The following COL4A3 variants were observed in gnomAD, a reference collection of about 807,000 sequenced individuals.
The protein encoded by COL4A3 is collagen alpha-3(IV) chain.
A neutral mutation model predicts 217.4 loss-of-function variants in COL4A3; 135 were observed. That is an observed-to-expected ratio of 0.62 (90% CI 0.54 to 0.72). The LOEUF (loss-of-function observed/expected upper bound fraction) is 0.72. COL4A3 is among the 30% of genes least tolerant of loss of function. The pLI is 0.00. For synonymous variants in COL4A3, 690 were observed against 736.3 expected (o/e 0.94, Z 1.02); for missense variants, 1,868 against 2,119.9 (o/e 0.88, Z 2.33).
rs757387115 is a variant in COL4A3, at chr2:227,290,828, G to C, written c.3152G>C (p.Gly1051Ala). 6.2e-7 allele frequency: 1 copy of C among 1,613,770 alleles called. No homozygotes were observed. The highest frequency in any genetic ancestry group is 8.5e-7 in the Non-Finnish European group (1 of 1,179,964). ...PGLPGIHGLQ[G>A]DKGEPGYSEG... is the part of the protein sequence containing the mutation. The stretch of plus-strand genomic sequence containing the variant: ...CTCCCAGGTATTCATGGTCTCCAGG[G>C]AGATAAGGGAGAGCCAGGTTATTCA... Residue 1051 changes from glycine to alanine, a missense_variant, in exon 37 of 52, where the codon GGA (glycine) becomes GCA (alanine). Transcript: ENST00000396578.
rs973769150 is a variant in COL4A3 at position 227,290,886 on chromosome 2, G to A, written c.3210G>A (p.Thr1070=). ...EGTRPGPPGP[T]GDPGLPGDMG... ...CAAGGCCAGGACCACCGGGACCAAC[G>A]GTATATAGGCCACTGAAATATTTAC... The change falls in exon 37 of 52, where the codon ACG becomes ACA. Residue 1070 remains threonine (T), a splice_region_variant and synonymous_variant. Transcript: ENST00000396578. 1 of 1,610,910 alleles carries A rather than the reference G, an allele frequency of 6.2e-7. No homozygotes were observed. Among genetic ancestry groups the A allele is most frequent in the South Asian group, 1.1e-5 (1 of 90,406 alleles).
At chr2:227,218,073 T>C (rs2067596313) in intron 1 of COL4A3, among the ~76,000 whole-genome samples, 1 of 49,930 alleles carries the variant, frequency 2.0e-5, no homozygotes, top group South Asian at 1.2e-3. Context: ...AATAACTATA[T>C]ATATAGCTAT....
chr2:227,169,370 T>C (rs1219760391), intron 1 of COL4A3: 12 of 151,164 alleles, frequency 7.9e-5, no homozygotes, highest in Middle Eastern at 3.4e-3. Flanking sequence ...TGTGTCTTTA[T>C]AGCAGCATGA....
chr2:227,182,304 T>C (rs78309299), intron 1 of COL4A3, among the ~76,000 whole-genome samples: 3,038 of 152,304 alleles, frequency 0.02, 114 homozygotes, highest in African/African-American at 0.069. Flanking sequence ...ACGACAGCTA[T>C]GAATCTGGAA....
intron 34 of COL4A3, among the ~76,000 whole-genome samples, chr2:227,288,596 G>C (rs1343237241): frequency 1.3e-5 from 2 of 152,140 alleles, no homozygotes; most frequent in African/African-American, 4.8e-5. Flanking sequence ...TACATGGATT[G>C]AGAATAGAAT....
chr2:227,172,578 CTTCTT>C (rs2065524812), intron 1 of COL4A3, among the ~76,000 whole-genome samples: 2 of 116,788 alleles, frequency 1.7e-5, no homozygotes, highest in East Asian at 5.0e-4. Flanking sequence ...TCTTCGTCTT[CTTCTT>C]TTTTTTTTTT....
At position 227,277,501 on chromosome 2, in the gene COL4A3, T is replaced by C. The variant is rs774533572; in HGVS notation, c.2073T>C (p.Asp691=). ...GAGATCCTGGTCTTCCAGGGCCTGA[T>C]GGTGAACCAGGAATTCCAGGAATTG... ...KCGDPGLPGP[D]GEPGIPGIGF... Residue 691 remains aspartate (D), a synonymous_variant, in exon 28 of 52, where the codon GAT becomes GAC. Transcript: ENST00000396578. 5 of 1,613,128 alleles carry C rather than the reference T, an allele frequency of 3.1e-6. No homozygotes were observed. The highest frequency in any genetic ancestry group is 2.2e-5 in the South Asian group (2 of 90,490).
At position 227,164,892 on chromosome 2, in the gene COL4A3, C is replaced by G; in HGVS notation, c.87+79C>G. On this transcript the variant is annotated intron_variant, in intron 1 of 51. Transcript: ENST00000396578. This position sits in a 1 kb window ranked among gnomAD's most constrained non-coding sequence, Gnocchi z 4.8. ...GTCCGGGGGACGCGCTGGCCCCACC[C>G]GCAGCGGCGCGGTAGTGGAGCGGCT... The G allele has an allele frequency of 7.2e-7, 1 of 1,383,412 alleles. No individual in the cohort carries two copies. Among genetic ancestry groups the G allele is most frequent in the Non-Finnish European group, 9.3e-7 (1 of 1,071,194 alleles). The allele number at this position is 1,383,412 out of a possible 1,614,324, so 85.7% of individuals were successfully genotyped here. A position where few individuals can be genotyped will look rare whatever the true frequency, so the allele number is the denominator to read the frequency against.
intron 11 of COL4A3, among the ~76,000 whole-genome samples, chr2:227,251,769 G>A (rs2069755417): frequency 6.6e-6 from 1 of 152,094 alleles, no homozygotes; most frequent in Non-Finnish European, 1.5e-5. Flanking sequence ...GGTCTTGCAT[G>A]CATTTCTGTT....
At chr2:227,255,713 G>T (rs908441114) in intron 15 of COL4A3, among the ~76,000 whole-genome samples, 2 of 150,146 alleles carry the variant, frequency 1.3e-5, no homozygotes, top group Non-Finnish European at 3.0e-5. Flanking sequence ...GTGTGTGTGT[G>T]TTTTTTTTTT....
At position 227,312,816 on chromosome 2, in the gene COL4A3, G is replaced by A. The variant is rs2073789973; in HGVS notation, c.*946G>A. 6.6e-6 allele frequency: 1 copy of A among 152,300 alleles called. No individual in the cohort carries two copies. The highest frequency in any genetic ancestry group is 1.5e-5 in the Non-Finnish European group (1 of 68,016). The allele number at this position is 152,300 out of a possible 1,614,324, so 9.4% of individuals were successfully genotyped here. ...TCAATAATCCATGAAAGAACTTAAG[G>A]CATTTGTTGGTTTATCAGACTCGGA... On this transcript the variant is annotated 3_prime_UTR_variant, in exon 52 of 52. Transcript: ENST00000396578.
chr2:227,244,924 A>T, intron 4 of COL4A3, 27 bp from the exon 5 acceptor site: 1 of 1,603,358 alleles, frequency 6.2e-7, no homozygotes, highest in Non-Finnish European at 8.5e-7. Context: ...TTTTTTTGCC[A>T]CCCCCTCCTT....
At position 227,265,703 on chromosome 2, in the gene COL4A3, T is replaced by C. The variant is rs568434385; in HGVS notation, c.1316-714T>C. On this transcript the variant is annotated intron_variant, in intron 21 of 51. Coordinates refer to ENST00000396578, the MANE Select transcript of COL4A3 (RefSeq NM_000091.5). ...CAGTATATCAGGAAAATACAATGTA[T>C]CCAAAAATATCCAGAATAAGAGTTG... 1.3e-5 allele frequency among the ~76,000 whole-genome samples: 2 copies of C among 152,280 alleles called. 1 individual carries two copies. Among genetic ancestry groups the C allele is most frequent in the South Asian group, 4.1e-4 (2 of 4,824 alleles).
At chr2:227,193,791 A>G (rs1257600543) in intron 1 of COL4A3, among the ~76,000 whole-genome samples, 1 of 26,618 alleles carries the variant, frequency 3.8e-5, no homozygotes, top group Non-Finnish European at 8.3e-5. Flanking sequence ...GAAGGAAGGA[A>G]GGAAGGAAGG....
chr2:227,289,700 T>C (rs937373520), intron 35 of COL4A3, among the ~76,000 whole-genome samples: 1 of 152,200 alleles, frequency 6.6e-6, no homozygotes. Flanking sequence ...CAGGATGCAG[T>C]TGGAAATGTA....
At chr2:227,213,413 T>A (rs568805240) in intron 1 of COL4A3, among the ~76,000 whole-genome samples, 2 of 152,280 alleles carry the variant, frequency 1.3e-5, no homozygotes, top group African/African-American at 4.8e-5. Context: ...AGGTCCTCAA[T>A]TATTCTAGCA....
chr2:227,293,897 C>A (rs2072901233), intron 38 of COL4A3: 1 of 415,018 alleles, frequency 2.4e-6, no homozygotes, highest in Non-Finnish European at 4.9e-6. Context: ...TGGATTAGGG[C>A]CCACCCTACT....
intron 43 of COL4A3, among the ~76,000 whole-genome samples, chr2:227,299,604 G>C (rs1318711915): frequency 6.6e-6 from 1 of 152,196 alleles, no homozygotes; most frequent in African/African-American, 2.4e-5. Flanking sequence ...GTTAGTACAA[G>C]AGTACTATTA....
intron 26 of COL4A3, among the ~76,000 whole-genome samples, chr2:227,274,477 T>C (rs2071436069): frequency 6.6e-6 from 1 of 151,588 alleles, no homozygotes; most frequent in Non-Finnish European, 1.5e-5. Context: ...TTTATGTTTA[T>C]CTGCACCTTA....
Sources: gnomAD v4.1 joint callset for allele counts (sites outside exome capture counted in the v4.1 genomes callset) on GRCh38, gnomAD v4.1.1 for gene constraint, Gnocchi (gnomAD v3.1) non-coding constraint, MANE v1.5 for transcripts, NCBI Gene and HGNC (gene_info 2026-07-23, HGNC 2026-07-21) for gene names.